Variants in HOOK3 observed in about 807,000 individuals in gnomAD.
HOOK3 encodes hook microtubule tethering protein 3.
Under a neutral mutation model 116.3 loss-of-function variants are expected in HOOK3, and 24 were observed. The ratio of observed to expected loss-of-function variants is 0.21; its 90% confidence interval spans 0.15 to 0.29. The LOEUF (loss-of-function observed/expected upper bound fraction) is 0.29, where lower values mean the gene tolerates loss of function less well. Ranked by LOEUF, HOOK3 falls within the 10% of genes least tolerant of loss-of-function variation. The pLI is 1.00. For missense variants in HOOK3, 632 were observed against 830.2 expected (o/e 0.76, Z 2.93); for synonymous variants, 275 against 283.0 (o/e 0.97, Z 0.28).
At position 42,913,679 on chromosome 8, in the gene HOOK3, A is replaced by G. The variant is rs77404914; in HGVS notation, c.143+7421A>G. Among the ~76,000 whole-genome samples the G allele has an allele frequency of 6.4e-3, 968 of 152,308 alleles. 18 individuals are homozygous for G. The highest frequency in any genetic ancestry group is 0.022 in the African/African-American group (928 of 41,558). The stretch of plus-strand genomic sequence containing the variant: ...TGGATCATATGGTAGGTCTATGCTT[A>G]ATATTCAAGAAACTGACAAACTGTT... On this transcript the variant is annotated intron_variant, in intron 2 of 21. Coordinates refer to ENST00000307602, the MANE Select transcript of HOOK3 (RefSeq NM_032410.4).
chr8:42,920,854 C>G lies in HOOK3; in HGVS notation c.144-4703C>G, dbSNP rs79250444. Among the ~76,000 whole-genome samples the G allele has an allele frequency of 1.7e-3, 261 of 152,292 alleles. 1 individual carries two copies. The highest frequency in any genetic ancestry group is 3.1e-3 in the Non-Finnish European group (210 of 68,030). On this transcript the variant is annotated intron_variant, in intron 2 of 21. Transcript: ENST00000307602. ...CTTCCCTGCAGTGGTTTTGTGAATG[C>G]GCAGTGCCTGGTTCAATGCCTGGTA...
chr8:42,948,827 G>A (rs1414710187), intron 5 of HOOK3, among the ~76,000 whole-genome samples: 2 of 152,172 alleles, frequency 1.3e-5, no homozygotes, highest in African/African-American at 4.8e-5. Context: ...TGACTAAATA[G>A]TGATTAAGTT....
intron 2 of HOOK3, among the ~76,000 whole-genome samples, chr8:42,921,450 T>C (rs1807655746): frequency 6.6e-6 from 1 of 152,208 alleles, no homozygotes; most frequent in Non-Finnish European, 1.5e-5. Context: ...TTATAACTCT[T>C]TAATGTTTTA....
chr8:42,973,298 C>A lies in HOOK3; in HGVS notation c.1132C>A (p.Leu378Ile), dbSNP rs371893792. 6 of 1,609,530 alleles carry A rather than the reference C, an allele frequency of 3.7e-6. No individual in the cohort carries two copies. The highest frequency in any genetic ancestry group is 5.1e-6 in the Non-Finnish European group (6 of 1,178,454). Residue 378 changes from leucine to isoleucine, a missense_variant, in exon 12 of 22, where the codon CTA becomes ATA. By Grantham distance (5) the Leu-to-Ile change is conservative (BLOSUM62 2). Transcript: ENST00000307602. ...TATCTTTCTGTATCAGGTAGTAGAA[C>A]TACAAAACAGATTATCCGAAGAATC... is the stretch of plus-strand genomic sequence containing the variant. ...LETYKRQVVE[L>I]QNRLSEESKK... is the part of the protein sequence containing the mutation.
At chr8:42,939,866 C>T (rs1808069275) in intron 4 of HOOK3, among the ~76,000 whole-genome samples, 1 of 150,160 alleles carries the variant, frequency 6.7e-6, no homozygotes, top group African/African-American at 2.5e-5. Context: ...CAGAGGCGCT[C>T]CCCACATCTC....
At position 43,029,432 on chromosome 8, in the gene HOOK3, G is replaced by A; in HGVS notation, c.*10934G>A. On this transcript the variant is annotated 3_prime_UTR_variant, in exon 22 of 22. Coordinates refer to ENST00000307602, the MANE Select transcript of HOOK3 (RefSeq NM_032410.4). The stretch of plus-strand genomic sequence containing the variant: ...TGAAGTGCTGGGATTACAGGCATGA[G>A]CCACTGCGCCCGGCCCAAATCTTTT... 1.1e-5 allele frequency: 2 copies of A among 175,088 alleles called. No homozygotes were observed. The highest frequency in any genetic ancestry group is 2.5e-5 in the Non-Finnish European group (2 of 81,038). 10.8% of individuals were successfully genotyped at this position (175,088 alleles called of 1,614,324 possible). A position where few individuals can be genotyped will look rare whatever the true frequency, so the allele number is the denominator to read the frequency against.
intron 16 of HOOK3, among the ~76,000 whole-genome samples, chr8:43,001,569 G>C (rs1248198403): frequency 1.3e-5 from 2 of 150,494 alleles, no homozygotes; most frequent in African/African-American, 4.9e-5. Flanking sequence ...TTTACCCAGT[G>C]AAAGCTACAT....
At chr8:42,987,853 G>A (rs570557063) in intron 15 of HOOK3, among the ~76,000 whole-genome samples, 51 of 151,154 alleles carry the variant, frequency 3.4e-4, no homozygotes, top group Admixed American at 7.3e-4. Flanking sequence ...TTTGTTTTGC[G>A]CTGTTTTTGT....
chr8:42,930,229 A>G (rs1023650106), intron 4 of HOOK3, 57 bp downstream of exon 4: 14 of 1,390,202 alleles, frequency 1.0e-5, no homozygotes, highest in Middle Eastern at 2.1e-4. Flanking sequence ...GTTTAATTTT[A>G]TAATAGTTTC....
At chr8:42,953,727 A>G (rs945114935) in intron 6 of HOOK3, among the ~76,000 whole-genome samples, 1 of 152,168 alleles carries the variant, frequency 6.6e-6, no homozygotes, top group African/African-American at 2.4e-5. Flanking sequence ...CTCTGAATTT[A>G]TACTTAAAGT....
intron 8 of HOOK3, among the ~76,000 whole-genome samples, chr8:42,963,068 C>G (rs894622618): frequency 6.6e-6 from 1 of 152,140 alleles, no homozygotes; most frequent in South Asian, 2.1e-4. Flanking sequence ...TCCCAAAGTG[C>G]TGGGATTACA....
intron 19 of HOOK3, among the ~76,000 whole-genome samples, chr8:43,011,194 T>C (rs959285311): frequency 1.4e-4 from 22 of 152,116 alleles, no homozygotes; most frequent in African/African-American, 2.9e-4. Context: ...AGGGTTTCAC[T>C]GTGTTAGCCA....
Position 42,930,145 on chromosome 8 carries a change from A to G in HOOK3, c.240A>G (p.Leu80=). ...AGATAAGCAATTTAAAGAAAATTTT[A>G]AAAGGAATCTTGGATTATAATCATG... ...RLKISNLKKI[L]KGILDYNHEI... is the part of the protein sequence containing the mutation. Residue 80 remains leucine, a synonymous_variant, in exon 4 of 22, where the codon TTA becomes TTG. Coordinates refer to ENST00000307602, the MANE Select transcript of HOOK3 (RefSeq NM_032410.4). 6.4e-7 allele frequency: 1 copy of G among 1,555,864 alleles called. No individual in the cohort carries two copies. Among genetic ancestry groups the G allele is most frequent in the Non-Finnish European group, 8.7e-7 (1 of 1,148,830 alleles).
intron 2 of HOOK3, among the ~76,000 whole-genome samples, chr8:42,915,802 AC>A (rs1294722642): frequency 1.3e-5 from 2 of 152,160 alleles, no homozygotes; most frequent in African/African-American, 2.4e-5. Flanking sequence ...GATAACACTT[AC>A]CATGTTTATC....
intron 2 of HOOK3, among the ~76,000 whole-genome samples, chr8:42,923,688 G>T (rs946525036): frequency 2.0e-5 from 3 of 152,164 alleles, no homozygotes; most frequent in Non-Finnish European, 4.4e-5. Flanking sequence ...GATGGCTAAT[G>T]GAGATAGGGT....
chr8:42,941,676 T>A (rs577475607), intron 4 of HOOK3, among the ~76,000 whole-genome samples: 3 of 152,268 alleles, frequency 2.0e-5, no homozygotes, highest in Non-Finnish European at 4.4e-5. Context: ...TTTGTTTTCC[T>A]TATTATTTAG....
chr8:42,938,645 C>T (rs1354869082), intron 4 of HOOK3, among the ~76,000 whole-genome samples: 5 of 152,056 alleles, frequency 3.3e-5, no homozygotes, highest in Admixed American at 3.3e-4. Flanking sequence ...TTCTCCTTCA[C>T]TTGTGAAGCT....
At chr8:42,958,596 GTT>G (rs71550434) in intron 7 of HOOK3, among the ~76,000 whole-genome samples, 2,067 of 106,312 alleles carry the variant, frequency 0.019, 17 homozygotes, top group African/African-American at 0.027. Flanking sequence ...GTTTTTGATA[GTT>G]TTTTTTTTTT....
intron 5 of HOOK3, among the ~76,000 whole-genome samples, chr8:42,945,288 G>GTATTT (rs571659334): frequency 2.0e-4 from 30 of 152,154 alleles, no homozygotes; most frequent in African/African-American, 7.0e-4. Flanking sequence ...TTTACATATA[G>GTATTT]TATTTTATTT....
Sources: allele counts gnomAD v4.1 joint callset (sites outside exome capture counted in the v4.1 genomes callset), GRCh38; gene constraint gnomAD v4.1.1; transcripts MANE v1.5; gene names NCBI Gene and HGNC (gene_info 2026-07-23, HGNC 2026-07-21).